The following ITGA10 variants were observed in gnomAD, a reference collection of about 807,000 sequenced individuals.
ITGA10 encodes integrin subunit alpha 10.
ITGA10 carries 105 observed loss-of-function variants against 145.2 expected under a neutral mutation model. The ratio of observed to expected loss-of-function variants is 0.72; its 90% CI spans 0.62 to 0.85. The LOEUF (loss-of-function observed/expected upper bound fraction) is 0.85. ITGA10 is among the 40% of genes least tolerant of loss of function. The pLI is 0.00. For synonymous variants in ITGA10, 506 were observed against 557.8 expected (o/e 0.91, Z 1.31); for missense variants, 1,317 against 1,444.5 (o/e 0.91, Z 1.43).
At position 145,901,916 on chromosome 1, in the gene ITGA10, C is replaced by T. The variant is rs782159627; in HGVS notation, c.1255G>A (p.Glu419Lys). 8 of 1,614,134 alleles carry T rather than the reference C, an allele frequency of 5.0e-6. No homozygotes were observed. Among genetic ancestry groups the T allele is most frequent in the South Asian group, 1.1e-5 (1 of 91,082 alleles). ...LFPPRMALED[E>K]FPPALQNHAA... ...TGGTTCTGCAATGCAGGGGGGAACTCGTCTTCCAGTGCCATTCGTGGGGGG... is the reference window on the plus strand; with the variant it reads ...TGGTTCTGCAATGCAGGGGGGAACTTGTCTTCCAGTGCCATTCGTGGGGGG... Residue 419 changes from glutamate (E) to lysine (K), a missense_variant, in exon 11 of 30, where the codon GAG becomes AAG. Coordinates refer to ENST00000369304, the MANE Select transcript of ITGA10 (RefSeq NM_003637.5). This position sits in a 1 kb window ranked among gnomAD's most constrained non-coding sequence, Gnocchi z 4.3.
chr1:145,899,105 T>G (rs781866740), intron 16 of ITGA10, 27 bp from the exon 17 acceptor site: 3 of 1,613,740 alleles, frequency 1.9e-6, no homozygotes, highest in Non-Finnish European at 2.5e-6. Flanking sequence ...AGAGTGAGGG[T>G]GGAAAGGGGT....
At chr1:145,896,938 T>C in intron 22 of ITGA10, 73 bp downstream of exon 22, 1 of 1,546,390 alleles carries the variant, frequency 6.5e-7, no homozygotes, top group Non-Finnish European at 8.9e-7. Context: ...GGAATCAATG[T>C]TGTTCCTCCC....
chr1:145,897,718 T>G (rs781869409), intron 19 of ITGA10, 65 bp from the exon 20 acceptor site: 37 of 1,612,782 alleles, frequency 2.3e-5, no homozygotes, highest in Non-Finnish European at 3.1e-5. Context: ...GTCTCACTTT[T>G]GTTATCATGG....
rs1553748765 is a variant in ITGA10, at chr1:145,901,858, G to A, written c.1294+19C>T. The A allele has an allele frequency of 1.9e-6, 3 of 1,613,894 alleles. No individual in the cohort carries two copies. The highest frequency in any genetic ancestry group is 2.5e-6 in the Non-Finnish European group (3 of 1,179,908). ...TCCTCCCCTACCCTGTAAGTCCTCT[G>A]CAACTCTCTGCTGCTCACCCAGGTA... is the stretch of plus-strand genomic sequence containing the variant. On this transcript the variant is annotated intron_variant, in intron 11 of 29. Coordinates refer to ENST00000369304, the MANE Select transcript of ITGA10 (RefSeq NM_003637.5). This position sits in a 1 kb window ranked among gnomAD's most constrained non-coding sequence, Gnocchi z 4.3.
intron 5 of ITGA10, 67 bp from the exon 6 acceptor site, chr1:145,904,878 G>A: frequency 3.9e-6 from 6 of 1,531,450 alleles, no homozygotes; most frequent in Non-Finnish European, 5.4e-6. Flanking sequence ...AGAGGTCACA[G>A]GAGGACACAT....
intron 6 of ITGA10, 51 bp downstream of exon 6, chr1:145,904,633 T>C: frequency 6.2e-7 from 1 of 1,604,962 alleles, no homozygotes; most frequent in Non-Finnish European, 8.5e-7. Flanking sequence ...CCTCCACCTC[T>C]TAAGTAGGTG....
Position 145,904,825 on chromosome 1 carries a change from G to A in ITGA10, c.482-14C>T. On this transcript the variant is annotated splice_polypyrimidine_tract_variant and intron_variant, in intron 5 of 29. Coordinates refer to ENST00000369304, the MANE Select transcript of ITGA10 (RefSeq NM_003637.5). ...ATGTTGGGCAGCCTAGAAGGAAGGA[G>A]AACACTGAGGTAGAGGACACTGAGC... 6.2e-7 allele frequency: 1 copy of A among 1,612,690 alleles called. No individual in the cohort carries two copies. The highest frequency in any genetic ancestry group is 2.2e-5 in the East Asian group (1 of 44,858).
At chr1:145,907,625 G>C in intron 1 of ITGA10, 160 bp from the exon 2 acceptor site, 1 of 984,628 alleles carries the variant, frequency 1.0e-6, no homozygotes, top group Non-Finnish European at 1.2e-6. Context: ...CAGAGCTCCA[G>C]GCAAAGATGA....
Position 145,901,705 on chromosome 1 carries a change from T to A in ITGA10, c.1295-41A>T. The A allele has an allele frequency of 6.5e-7, 1 of 1,537,078 alleles. No homozygotes were observed. The highest frequency in any genetic ancestry group is 8.7e-7 in the Non-Finnish European group (1 of 1,143,946). On this transcript the variant is annotated intron_variant, in intron 11 of 29. Transcript: ENST00000369304. This position sits in a 1 kb window ranked among gnomAD's most constrained non-coding sequence, Gnocchi z 4.3. The stretch of plus-strand genomic sequence containing the variant: ...GTAACAGAGGTAAAGGAAAAGAAGA[T>A]GGGGTCCAGAGTAGGGGGGTTCCCT...
In ITGA10 at chr1:145,892,092, T is replaced by C. The variant is rs1215882920; in HGVS notation, c.*706A>G. 6.5e-6 allele frequency: 1 copy of C among 152,696 alleles called. No individual in the cohort carries two copies. The highest frequency in any genetic ancestry group is 2.4e-5 in the African/African-American group (1 of 41,452). 9.5% of individuals were successfully genotyped at this position (152,696 alleles called of 1,614,324 possible). On this transcript the variant is annotated 3_prime_UTR_variant, in exon 30 of 30. Coordinates refer to ENST00000369304, the MANE Select transcript of ITGA10 (RefSeq NM_003637.5). The stretch of plus-strand genomic sequence containing the variant: ...AGAAAAGGCTTGGAATCAGGAAGCC[T>C]ATGCCCAGCGAGCCTGGGGGCAGCT...
chr1:145,893,531 C>T lies in ITGA10; in HGVS notation c.3324+9G>A. The T allele has an allele frequency of 1.9e-6, 3 of 1,603,272 alleles. No individual in the cohort carries two copies. Among genetic ancestry groups the T allele is most frequent in the Non-Finnish European group, 2.6e-6 (3 of 1,173,492 alleles). On this transcript the variant is annotated intron_variant, in intron 28 of 29. Coordinates refer to ENST00000369304, the MANE Select transcript of ITGA10 (RefSeq NM_003637.5). ...TTTCACAGCTCTCAGACTCGGTCTC[C>T]AGCCCTACCTCACTCCAACGGGAGG...
chr1:145,899,513 CT>C (rs111746738), intron 15 of ITGA10, among the ~76,000 whole-genome samples, 172 bp from the exon 16 acceptor site: 260 of 145,574 alleles, frequency 1.8e-3, no homozygotes, highest in Admixed American at 2.1e-3. Context: ...TGTCATTGAT[CT>C]TTTTTTTTTT....
chr1:145,901,774 T>A lies in ITGA10; in HGVS notation c.1294+103A>T. ...CCCAAGGGAAGTAACCAGAGGTCAG[T>A]GAGAAACCGCATGAGTTAAGAGGGA... On this transcript the variant is annotated intron_variant, in intron 11 of 29. Coordinates refer to ENST00000369304, the MANE Select transcript of ITGA10 (RefSeq NM_003637.5). This position sits in a 1 kb window ranked among gnomAD's most constrained non-coding sequence, Gnocchi z 4.3. 1 of 1,555,046 alleles carries A rather than the reference T, an allele frequency of 6.4e-7. No homozygotes were observed. Among genetic ancestry groups the A allele is most frequent in the Non-Finnish European group, 8.7e-7 (1 of 1,144,210 alleles).
intron 8 of ITGA10, 33 bp downstream of exon 8, chr1:145,902,778 C>T: frequency 6.3e-7 from 1 of 1,590,030 alleles, no homozygotes; most frequent in South Asian, 1.2e-5. Flanking sequence ...CCTGCCACTC[C>T]CCAACTCTTC....
At chr1:145,908,585 T>A (rs1262614736) in intron 1 of ITGA10, among the ~76,000 whole-genome samples, 1 of 152,222 alleles carries the variant, frequency 6.6e-6, no homozygotes. Context: ...TAGGAAACAA[T>A]GATTACAGGG....
Position 145,891,266 on chromosome 1 carries a change from G to A in ITGA10, c.*1532C>T, listed in dbSNP as rs1444773714. The A allele has an allele frequency of 6.6e-6, 1 of 152,598 alleles. No homozygotes were observed. The highest frequency in any genetic ancestry group is 6.5e-5 in the Admixed American group (1 of 15,276). 9.5% of individuals were successfully genotyped at this position (152,598 alleles called of 1,614,324 possible). A position where few individuals can be genotyped will look rare whatever the true frequency, so the allele number is the denominator to read the frequency against. On this transcript the variant is annotated 3_prime_UTR_variant, in exon 30 of 30. Coordinates refer to ENST00000369304, the MANE Select transcript of ITGA10 (RefSeq NM_003637.5). ...TCTGATATACTGTCCACCCCACTGG[G>A]AAACAGAGACAATGCCCATGAGGGT...
chr1:145,906,712 A>G, intron 4 of ITGA10, 21 bp downstream of exon 4: 1 of 1,567,826 alleles, frequency 6.4e-7, no homozygotes, highest in South Asian at 1.1e-5. Flanking sequence ...AGACACTGCC[A>G]CCACCCTCTC....
chr1:145,895,654 C>G lies in ITGA10; in HGVS notation c.3091G>C (p.Glu1031Gln). 6.2e-7 allele frequency: 1 copy of G among 1,614,216 alleles called. No homozygotes were observed. Among genetic ancestry groups the G allele is most frequent in the South Asian group, 1.1e-5 (1 of 91,082 alleles). The stretch of plus-strand genomic sequence containing the variant: ...ACCAGTCTGTTTGTGTGTTGAAGCT[C>G]CTCTGGATGCACAGGTGGGCCTGGG... ...EPPGPPVHPE[E>Q]LQHTNRLNGS... The change falls in exon 26 of 30, where the codon GAG becomes CAG. Residue 1031 changes from glutamate to glutamine, a missense_variant. Transcript: ENST00000369304.
chr1:145,898,119 T>C lies in ITGA10; in HGVS notation c.2337A>G (p.Ile779Met). Residue 779 changes from isoleucine (I) to methionine (M), a missense_variant, in exon 18 of 30, where the codon ATA becomes ATG. Transcript: ENST00000369304. ...GCATGGCACTGCTGACCAGCTTTTGTATAGAGGTGGGTGAGCCCTCATTCA... is the reference window on the plus strand; with the variant it reads ...GCATGGCACTGCTGACCAGCTTTTGCATAGAGGTGGGTGAGCCCTCATTCA... Reference protein sequence around the residue: ...PVLNEGSPTSIQKLVPFSKDC... With the variant: ...PVLNEGSPTSMQKLVPFSKDC... The C allele has an allele frequency of 6.2e-7, 1 of 1,612,802 alleles. No individual in the cohort carries two copies.
Sources: allele counts gnomAD v4.1 joint callset (sites outside exome capture counted in the v4.1 genomes callset), GRCh38; gene constraint gnomAD v4.1.1; non-coding constraint Gnocchi (gnomAD v3.1); transcripts MANE v1.5; gene names NCBI Gene and HGNC (gene_info 2026-07-23, HGNC 2026-07-21).